NFX1: variants seen among roughly 807,000 people sequenced by gnomAD.
NFX1 encodes nuclear transcription factor, X-box binding 1.
A neutral mutation model predicts 137.2 loss-of-function variants in NFX1; 69 were observed. That is an observed-to-expected ratio of 0.50 (90% CI 0.41 to 0.61). NFX1 has a LOEUF of 0.61. Among genes scored for constraint, NFX1 ranks in the 20% least tolerant of loss-of-function variants. The pLI is 0.00. For missense variants in NFX1, 1,167 were observed against 1,391.0 expected (o/e 0.84, Z 2.56); for synonymous variants, 495 against 474.1 (o/e 1.04, Z -0.57).
intron 10 of NFX1, among the ~76,000 whole-genome samples, chr9:33,330,379 G>A (rs1281053525): frequency 6.6e-6 from 1 of 152,148 alleles, no homozygotes; most frequent in Non-Finnish European, 1.5e-5. Context: ...TCAGAAAAAA[G>A]GGAAAAGTAG....
At chr9:33,361,483 T>G (rs757108986) in intron 19 of NFX1, among the ~76,000 whole-genome samples, 5 of 151,914 alleles carry the variant, frequency 3.3e-5, no homozygotes, top group Non-Finnish European at 7.4e-5. Flanking sequence ...CTTAAAATTA[T>G]AGAGAAAGGC....
intron 14 of NFX1, 81 bp downstream of exon 14, chr9:33,344,269 T>G: frequency 6.4e-7 from 1 of 1,569,446 alleles, no homozygotes; most frequent in East Asian, 2.3e-5. Context: ...TCTTCACTGC[T>G]CTAGAGTCAT....
chr9:33,323,647 G>A (rs1330858549), intron 9 of NFX1, among the ~76,000 whole-genome samples: 1 of 151,968 alleles, frequency 6.6e-6, no homozygotes, highest in Non-Finnish European at 1.5e-5. Flanking sequence ...CAGCTGCTCC[G>A]GCGGCTGAGG....
At chr9:33,326,597 G>A (rs1243379475) in intron 9 of NFX1, among the ~76,000 whole-genome samples, 1 of 151,868 alleles carries the variant, frequency 6.6e-6, no homozygotes, top group Non-Finnish European at 1.5e-5. Context: ...GTATGTGCCT[G>A]TAGTCCCACC....
intron 6 of NFX1, among the ~76,000 whole-genome samples, chr9:33,312,163 G>A (rs941501123): frequency 9.9e-5 from 15 of 152,108 alleles, no homozygotes; most frequent in African/African-American, 3.4e-4. Flanking sequence ...GGTGAGGTGC[G>A]TTTGTTTAGC....
At chr9:33,336,839 C>T (rs1373500362) in intron 11 of NFX1, among the ~76,000 whole-genome samples, 4 of 152,138 alleles carry the variant, frequency 2.6e-5, no homozygotes, top group Non-Finnish European at 4.4e-5. Flanking sequence ...CAGTAGCTCA[C>T]GCCTGTAATC....
chr9:33,321,615 C>A (rs1822387483), intron 9 of NFX1, among the ~76,000 whole-genome samples: 2 of 152,180 alleles, frequency 1.3e-5, no homozygotes, highest in African/African-American at 4.8e-5. Flanking sequence ...GTGGCTCATA[C>A]CTATAATCTC....
At chr9:33,323,337 G>A (rs1178338386) in intron 9 of NFX1, among the ~76,000 whole-genome samples, 3 of 152,138 alleles carry the variant, frequency 2.0e-5, no homozygotes, top group East Asian at 1.9e-4. Flanking sequence ...AAAATGTCTA[G>A]TTTCCAAGAA....
chr9:33,308,555 T>A (rs1381351092), intron 5 of NFX1, among the ~76,000 whole-genome samples: 3 of 152,222 alleles, frequency 2.0e-5, no homozygotes, highest in Non-Finnish European at 4.4e-5. Context: ...TCTACAGGCC[T>A]TAACCTCAGA....
chr9:33,313,155 T>G (rs925215130), intron 6 of NFX1, among the ~76,000 whole-genome samples: 3 of 152,178 alleles, frequency 2.0e-5, no homozygotes, highest in Non-Finnish European at 4.4e-5. Flanking sequence ...CAGCATTCTT[T>G]CTCCTTACGC....
chr9:33,369,959 A>G lies in NFX1; in HGVS notation c.3344A>G (p.Tyr1115Cys), dbSNP rs776331682. 9 of 1,613,152 alleles carry G rather than the reference A, an allele frequency of 5.6e-6. No homozygotes were observed. The highest frequency in any genetic ancestry group is 3.3e-4 in the Middle Eastern group (2 of 6,058). The change falls in exon 24 of 24, where the codon TAT becomes TGT. Residue 1115 changes from tyrosine (Y) to cysteine (C), a missense_variant. Coordinates refer to ENST00000379540, the MANE Select transcript of NFX1 (RefSeq NM_002504.6). ...QKITKEPIIDYFDVQD is the reference protein window; with the variant it reads ...QKITKEPIIDCFDVQD ...ATAACCAAGGAGCCAATAATTGACTATTTTGACGTCCAGGACTAAGAAGAT... is the reference window on the plus strand; with the variant it reads ...ATAACCAAGGAGCCAATAATTGACTGTTTTGACGTCCAGGACTAAGAAGAT...
intron 11 of NFX1, among the ~76,000 whole-genome samples, chr9:33,336,914 C>T (rs1057167783): frequency 3.3e-5 from 5 of 152,192 alleles, no homozygotes; most frequent in Admixed American, 2.0e-4. Flanking sequence ...CTAGCCTGGC[C>T]AACAAGGTGA....
At chr9:33,305,533 A>T (rs1422513342) in intron 4 of NFX1, among the ~76,000 whole-genome samples, 3 of 152,228 alleles carry the variant, frequency 2.0e-5, no homozygotes, top group Non-Finnish European at 4.4e-5. Context: ...GAAGCCACTG[A>T]GGGCATCAAC....
intron 9 of NFX1, among the ~76,000 whole-genome samples, chr9:33,324,902 C>T (rs890017563): frequency 1.4e-5 from 2 of 147,888 alleles, no homozygotes; most frequent in Non-Finnish European, 3.0e-5. Flanking sequence ...GCACTCCAGC[C>T]TGGGCAACAG....
At chr9:33,292,390 A>C (rs894716511) in intron 1 of NFX1, among the ~76,000 whole-genome samples, 3 of 152,212 alleles carry the variant, frequency 2.0e-5, no homozygotes, top group African/African-American at 7.2e-5. Context: ...CTGCAATGCC[A>C]GCCTTGTCTC....
At chr9:33,359,699 A>G (rs1413188761) in intron 19 of NFX1, among the ~76,000 whole-genome samples, 1 of 152,238 alleles carries the variant, frequency 6.6e-6, no homozygotes, top group East Asian at 1.9e-4. Flanking sequence ...AAGTTATTTG[A>G]GGATACTCTA....
At chr9:33,361,068 A>G (rs1823971465) in intron 19 of NFX1, among the ~76,000 whole-genome samples, 1 of 152,234 alleles carries the variant, frequency 6.6e-6, no homozygotes, top group Non-Finnish European at 1.5e-5. Context: ...TGTCCACTCC[A>G]TGTACCCCAC....
Position 33,351,637 on chromosome 9 carries a change from G to C in NFX1, c.2502G>C (p.Met834Ile). 6.2e-7 allele frequency: 1 copy of C among 1,614,168 alleles called. No homozygotes were observed. Among genetic ancestry groups the C allele is most frequent in the Non-Finnish European group, 8.5e-7 (1 of 1,180,034 alleles). Residue 834 changes from methionine to isoleucine, a missense_variant, in exon 16 of 24, where the codon ATG becomes ATC. Met to Ile is a conservative substitution (Grantham distance 10). Transcript: ENST00000379540. The part of the protein sequence containing the change: ...LPCSATLPCG[M>I]HKCQRLCHKG... ...GCAGTGCCACGCTACCATGTGGGATGCACAAATGTCAGAGACTCTGTCACA... is the reference window on the plus strand; with the variant it reads ...GCAGTGCCACGCTACCATGTGGGATCCACAAATGTCAGAGACTCTGTCACA...
Position 33,321,244 on chromosome 9 carries a change from G to A in NFX1, c.1906+2117G>A, listed in dbSNP as rs777820194. ...TAGTAACTGGCAGTAACAGACCTTG[G>A]GATGGGACAAGACCAGGTTAAGGGA... On this transcript the variant is annotated intron_variant, in intron 9 of 23. Transcript: ENST00000379540. Among the ~76,000 whole-genome samples the A allele has an allele frequency of 6.2e-4, 94 of 152,090 alleles. 1 individual carries two copies. Among genetic ancestry groups the A allele is most frequent in the Non-Finnish European group, 1.5e-4 (10 of 68,008 alleles).
Sources: gnomAD v4.1 joint callset for allele counts (sites outside exome capture counted in the v4.1 genomes callset) on GRCh38, gnomAD v4.1.1 for gene constraint, MANE v1.5 for transcripts, NCBI Gene and HGNC (gene_info 2026-07-23, HGNC 2026-07-21) for gene names.